Variants in NBAS observed in about 807,000 individuals in gnomAD.
NBAS encodes the protein NAG/BC035112 fusion.
In NBAS, 219 loss-of-function variants were observed where a neutral mutation model predicts 302.5. That is an observed-to-expected ratio of 0.72 (90% CI 0.65 to 0.81). The LOEUF (loss-of-function observed/expected upper bound fraction) is 0.81. Ranked by LOEUF, NBAS falls within the 30% of genes least tolerant of loss-of-function variation. The probability of loss-of-function intolerance (pLI) is 0.00; values close to 1 mark genes in which losing one functional copy is unlikely to be tolerated. For synonymous variants in NBAS, 1,118 were observed against 1,021.6 expected, an observed-to-expected ratio of 1.09 and a Z score of -1.80; for missense variants, 2,932 against 2,841.6, an observed-to-expected ratio of 1.03 and a Z score of -0.72.
intron 29 of NBAS, among the ~76,000 whole-genome samples, chr2:15,381,736 G>A (rs370210314): frequency 6.6e-6 from 1 of 152,118 alleles, no homozygotes; most frequent in Non-Finnish European, 1.5e-5. Flanking sequence ...ATGCAAAAGG[G>A]GAAGACAATG....
In NBAS at chr2:15,327,837, G is replaced by A; in HGVS notation, c.4495C>T (p.Pro1499Ser). ...AATACTTCTGCAAAGCTTTCCACTGGAACATGCTGATAGGTGTCATAGGTC... is the reference window on the plus strand; with the variant it reads ...AATACTTCTGCAAAGCTTTCCACTGAAACATGCTGATAGGTGTCATAGGTC... Reference protein sequence around the residue: ...EGTYDTYQHVPVESFAEVLLR... With the variant: ...EGTYDTYQHVSVESFAEVLLR... Residue 1499 changes from proline (P) to serine (S), a missense_variant, in exon 38 of 52, where the codon CCA (proline) becomes TCA (serine). Coordinates refer to ENST00000281513, the MANE Select transcript of NBAS (RefSeq NM_015909.4). The A allele has an allele frequency of 6.2e-7, 1 of 1,613,444 alleles. No individual in the cohort carries two copies. The highest frequency in any genetic ancestry group is 8.5e-7 in the Non-Finnish European group (1 of 1,179,714).
At chr2:15,445,724 C>G (rs2148526088) in intron 21 of NBAS, among the ~76,000 whole-genome samples, 1 of 151,318 alleles carries the variant, frequency 6.6e-6, no homozygotes, top group Non-Finnish European at 1.5e-5. Context: ...ATGTAAAATT[C>G]TTAATGTCTG....
At chr2:15,154,000 G>C in the NBAS span, among the ~76,000 whole-genome samples, 1 of 152,186 alleles carries the variant, frequency 6.6e-6, no homozygotes, top group Admixed American at 6.5e-5. Flanking sequence ...TTTGATGCTG[G>C]CACTCTGAAG....
intron 21 of NBAS, among the ~76,000 whole-genome samples, chr2:15,442,717 A>G (rs1443090878): frequency 5.9e-5 from 9 of 151,842 alleles, no homozygotes; most frequent in Non-Finnish European, 1.2e-4. Flanking sequence ...TCCAGGAGCT[A>G]GTTTTTTGAA....
chr2:14,842,999 A>C, the NBAS span, among the ~76,000 whole-genome samples: 2 of 152,242 alleles, frequency 1.3e-5, no homozygotes, highest in Admixed American at 1.3e-4. Context: ...TATGGATACA[A>C]GGATGGTTCA....
intron 15 of NBAS, 43 bp downstream of exon 15, chr2:15,474,024 C>T: frequency 6.2e-7 from 1 of 1,612,640 alleles, no homozygotes; most frequent in Admixed American, 1.7e-5. Context: ...AAAAGAAAAG[C>T]TTGATGACTT....
At chr2:15,001,731 C>G in the NBAS span, among the ~76,000 whole-genome samples, 1 of 152,030 alleles carries the variant, frequency 6.6e-6, no homozygotes, top group African/African-American at 2.4e-5. Flanking sequence ...GGAGTTTGTT[C>G]CTTCTGATGT....
At chr2:15,420,634 G>T (rs181789132) in intron 23 of NBAS, among the ~76,000 whole-genome samples, 2 of 152,176 alleles carry the variant, frequency 1.3e-5, no homozygotes, top group Non-Finnish European at 2.9e-5. Flanking sequence ...AAGCAGGGGG[G>T]AATGTGGAAT....
chr2:15,542,441 A>G lies in NBAS; in HGVS notation c.380-3085T>C, dbSNP rs367678662. On this transcript the variant is annotated intron_variant, in intron 6 of 51. Coordinates refer to ENST00000281513, the MANE Select transcript of NBAS (RefSeq NM_015909.4). Reference sequence around the variant, plus strand: ...ATGCTTGAAGGCAGCATGCTCGTTAAGAGTCATCACCACTCCCTAATCTCA... The same window carrying G: ...ATGCTTGAAGGCAGCATGCTCGTTAGGAGTCATCACCACTCCCTAATCTCA... Among the ~76,000 whole-genome samples the G allele has an allele frequency of 1.0e-3, 134 of 129,060 alleles. 2 individuals carry two copies. In the East Asian group the frequency reaches 0.024, roughly 24 times the overall value. The allele number at this position is 129,060 out of a possible 152,430, so 84.7% of individuals were successfully genotyped here. A position where few individuals can be genotyped will look rare whatever the true frequency, so the allele number is the denominator to read the frequency against.
the NBAS span, among the ~76,000 whole-genome samples, chr2:15,025,877 A>G: frequency 6.6e-6 from 1 of 152,128 alleles, no homozygotes; most frequent in Admixed American, 6.5e-5. Context: ...ATACTATGGG[A>G]TTTTCTAGAT....
intron 28 of NBAS, 53 bp from the exon 29 acceptor site, chr2:15,383,370 C>A (rs1162709797): frequency 1.3e-6 from 2 of 1,535,682 alleles, no homozygotes; most frequent in Admixed American, 1.7e-5. Flanking sequence ...CAATTAAAAT[C>A]TCTTTCTTCA....
At chr2:15,194,208 T>TAAATTATTCCC (rs1665502106) in intron 48 of NBAS, among the ~76,000 whole-genome samples, 1 of 152,142 alleles carries the variant, frequency 6.6e-6, no homozygotes, top group Admixed American at 6.5e-5. Flanking sequence ...TTCAAGAAGC[T>TAAATTATTCCC]AAATTATTCC....
chr2:15,118,264 C>G, the NBAS span, among the ~76,000 whole-genome samples: 41 of 152,262 alleles, frequency 2.7e-4, no homozygotes, highest in African/African-American at 9.4e-4. Flanking sequence ...TCAGGGGCAG[C>G]TGGGGCTAGC....
At chr2:15,436,659 T>C (rs1678031610) in intron 21 of NBAS, among the ~76,000 whole-genome samples, 1 of 152,208 alleles carries the variant, frequency 6.6e-6, no homozygotes, top group South Asian at 2.1e-4. Context: ...GTCAATGCGG[T>C]GTTCATTAGA....
chr2:15,058,183 A>G, the NBAS span, among the ~76,000 whole-genome samples: 12 of 152,228 alleles, frequency 7.9e-5, no homozygotes, highest in African/African-American at 2.9e-4. Context: ...TGAATCGATC[A>G]GTGGTTCTCA....
chr2:15,049,722 T>C, the NBAS span, among the ~76,000 whole-genome samples: 57,307 of 152,088 alleles, frequency 0.38, 11,877 homozygotes, highest in African/African-American at 0.55. Context: ...TGTCAGACGA[T>C]GGAGACAAGT....
At chr2:14,834,835 G>A in the NBAS span, among the ~76,000 whole-genome samples, 2 of 151,996 alleles carry the variant, frequency 1.3e-5, no homozygotes, top group Middle Eastern at 3.2e-3. Flanking sequence ...GCTTAATGAA[G>A]GGGTGGAAAT....
chr2:15,460,270 A>G (rs999377962), intron 21 of NBAS, among the ~76,000 whole-genome samples: 5 of 152,230 alleles, frequency 3.3e-5, no homozygotes, highest in Non-Finnish European at 5.9e-5. Flanking sequence ...ATAATTATCA[A>G]TTCTGGTGTT....
chr2:15,068,402 G>C, the NBAS span, among the ~76,000 whole-genome samples: 4 of 152,202 alleles, frequency 2.6e-5, no homozygotes, highest in Non-Finnish European at 4.4e-5. Flanking sequence ...AGGAAGGCAA[G>C]TGCTCAATAC....
Sources: allele counts gnomAD v4.1 joint callset (sites outside exome capture counted in the v4.1 genomes callset), GRCh38; gene constraint gnomAD v4.1.1; transcripts MANE v1.5; gene names NCBI Gene and HGNC (gene_info 2026-07-23, HGNC 2026-07-21).